The following TNFRSF21 variants were observed in gnomAD, a reference collection of about 807,000 sequenced individuals.
The protein encoded by TNFRSF21 is TNF receptor superfamily member 21, also known as tumor necrosis factor receptor superfamily member 21.
A neutral mutation model predicts 45.6 loss-of-function variants in TNFRSF21; 19 were observed. The observed-to-expected ratio is 0.42, with a 90% CI of 0.29 to 0.61. The LOEUF is 0.61. TNFRSF21 is among the 20% of genes least tolerant of loss of function. The pLI is 0.23. For synonymous variants in TNFRSF21, 314 were observed against 335.5 expected (o/e 0.94, Z 0.70); for missense variants, 737 against 851.5 (o/e 0.87, Z 1.67).
intron 3 of TNFRSF21, among the ~76,000 whole-genome samples, chr6:47,269,075 C>G (rs1460203805): frequency 6.6e-6 from 1 of 152,200 alleles, no homozygotes; most frequent in Non-Finnish European, 1.5e-5. Context: ...TGGCTTCCCT[C>G]TAACCCTACT....
chr6:47,267,520 T>C (rs1762352565), intron 3 of TNFRSF21, among the ~76,000 whole-genome samples: 1 of 152,290 alleles, frequency 6.6e-6, no homozygotes, highest in Admixed American at 6.5e-5. Context: ...ATGTGACTCA[T>C]ACATTTTGAC....
chr6:47,297,556 T>G (rs953556380), intron 1 of TNFRSF21, among the ~76,000 whole-genome samples: 10 of 145,462 alleles, frequency 6.9e-5, no homozygotes, highest in Non-Finnish European at 1.5e-5. Flanking sequence ...GAAGTCTCGC[T>G]CTGTCACCCA....
intron 4 of TNFRSF21, among the ~76,000 whole-genome samples, chr6:47,249,629 T>A (rs1283254893): frequency 6.6e-6 from 1 of 152,194 alleles, no homozygotes; most frequent in Non-Finnish European, 1.5e-5. Context: ...GTGTGACTCC[T>A]GACTGTGTAA....
chr6:47,298,559 A>T (rs1381813871), intron 1 of TNFRSF21, among the ~76,000 whole-genome samples: 4 of 152,192 alleles, frequency 2.6e-5, no homozygotes, highest in Non-Finnish European at 5.9e-5. Flanking sequence ...AATAGTTTTT[A>T]AAAAATCAAA....
chr6:47,279,906 G>A (rs920085311), intron 3 of TNFRSF21, among the ~76,000 whole-genome samples: 1 of 152,310 alleles, frequency 6.6e-6, no homozygotes, highest in South Asian at 2.1e-4. Flanking sequence ...GGAAGAAAGA[G>A]TACAAAATAC....
chr6:47,258,793 G>A (rs561623274), intron 3 of TNFRSF21, among the ~76,000 whole-genome samples: 3 of 152,288 alleles, frequency 2.0e-5, no homozygotes, highest in Admixed American at 2.0e-4. Flanking sequence ...GAGAGAGAAT[G>A]AAAGAAGTCA....
intron 4 of TNFRSF21, among the ~76,000 whole-genome samples, chr6:47,247,853 A>G (rs1458128884): frequency 6.6e-6 from 1 of 152,232 alleles, no homozygotes; most frequent in Non-Finnish European, 1.5e-5. Context: ...ATATCCTAAC[A>G]AAGAATAATT....
In TNFRSF21 at chr6:47,286,009, G is replaced by A; in HGVS notation, c.683C>T (p.Ala228Val). Residue 228 changes from alanine to valine, a missense_variant, in exon 2 of 6, where the codon GCC becomes GTC. Physicochemically the swap from Ala to Val is moderately conservative, Grantham distance 64 (BLOSUM62 0). Transcript: ENST00000296861. ...SSSTSPSPGT[A>V]IFPRPEHMET... ...CATGTGCTCAGGGCGTGGAAAGATG[G>A]CTGTGCCAGGGGAAGGTGAGGTGGA... The A allele has an allele frequency of 6.2e-7, 1 of 1,614,246 alleles. No homozygotes were observed.
intron 3 of TNFRSF21, among the ~76,000 whole-genome samples, chr6:47,271,996 G>A (rs1482216416): frequency 2.0e-5 from 3 of 152,054 alleles, no homozygotes; most frequent in African/African-American, 7.2e-5. Flanking sequence ...CCAAATACAG[G>A]AGCACCCAGA....
At chr6:47,303,684 G>T (rs1338625449) in intron 1 of TNFRSF21, among the ~76,000 whole-genome samples, 1 of 152,178 alleles carries the variant, frequency 6.6e-6, no homozygotes, top group South Asian at 2.1e-4. Context: ...GTTCCTCCTG[G>T]GTTATAACCT....
intron 3 of TNFRSF21, among the ~76,000 whole-genome samples, chr6:47,279,303 A>G (rs1762536246): frequency 6.6e-6 from 1 of 152,218 alleles, no homozygotes. Context: ...GGAAAAGGGA[A>G]ATAGTAACGG....
At chr6:47,287,425 G>A (rs1306423956) in intron 1 of TNFRSF21, among the ~76,000 whole-genome samples, 2 of 150,232 alleles carry the variant, frequency 1.3e-5, no homozygotes, top group Admixed American at 6.6e-5. Flanking sequence ...TTCATTTAAG[G>A]ATAAGGGAGC....
chr6:47,291,627 A>T (rs367705885), intron 1 of TNFRSF21, among the ~76,000 whole-genome samples: 1 of 152,206 alleles, frequency 6.6e-6, no homozygotes, highest in Admixed American at 6.5e-5. Context: ...TGCTCCTTGG[A>T]CCAGGGAGGG....
At chr6:47,266,630 G>T (rs1010011052) in intron 3 of TNFRSF21, among the ~76,000 whole-genome samples, 2 of 152,130 alleles carry the variant, frequency 1.3e-5, no homozygotes, top group Non-Finnish European at 2.9e-5. Context: ...ATGCTAATAA[G>T]AGGTTCGACC....
chr6:47,285,499 G>A (rs1762632252), intron 2 of TNFRSF21, among the ~76,000 whole-genome samples: 1 of 152,064 alleles, frequency 6.6e-6, no homozygotes, highest in South Asian at 2.1e-4. Flanking sequence ...CGGATGTAAT[G>A]GTATTTTCTT....
chr6:47,261,759 C>T (rs1415390792), intron 3 of TNFRSF21, among the ~76,000 whole-genome samples: 2 of 152,238 alleles, frequency 1.3e-5, no homozygotes, highest in Non-Finnish European at 2.9e-5. Flanking sequence ...GCAGCAAAAT[C>T]CTTCTGCTGG....
rs2113863555 is a variant in TNFRSF21 at position 47,284,122 on chromosome 6, C to T, written c.1059G>A (p.Met353Ile). 1.2e-6 allele frequency: 2 copies of T among 1,614,222 alleles called. No homozygotes were observed. The highest frequency in any genetic ancestry group is 8.5e-7 in the Non-Finnish European group (1 of 1,180,032). ...HFDINEHLPW[M>I]IVLFLLLVLV... ...GCACCAGCAGCAGGAAAAGCACAAT[C>T]ATCCAGGGCAAATGCTCATTGATGT... The change falls in exon 3 of 6, where the codon ATG (methionine) becomes ATA (isoleucine). Residue 353 changes from methionine to isoleucine, a missense_variant. By Grantham distance (10) the Met-to-Ile change is conservative (BLOSUM62 1). Transcript: ENST00000296861.
intron 1 of TNFRSF21, among the ~76,000 whole-genome samples, chr6:47,305,349 T>C (rs1762923743): frequency 6.6e-6 from 1 of 151,622 alleles, no homozygotes. Context: ...CAGTAGAGTA[T>C]TTTTTTTTCT....
chr6:47,293,314 C>T (rs990229400), intron 1 of TNFRSF21, among the ~76,000 whole-genome samples: 1 of 152,172 alleles, frequency 6.6e-6, no homozygotes, highest in South Asian at 2.1e-4. Flanking sequence ...AAGCATTCTC[C>T]AAGCCAGGGG....
Sources: gnomAD v4.1 joint callset for allele counts (sites outside exome capture counted in the v4.1 genomes callset) on GRCh38, gnomAD v4.1.1 for gene constraint, MANE v1.5 for transcripts, NCBI Gene and HGNC (gene_info 2026-07-23, HGNC 2026-07-21) for gene names.